Variants in RNF13 observed in about 807,000 individuals in gnomAD.
The protein encoded by RNF13 is ring finger protein 13.
Under a neutral mutation model 37.7 loss-of-function variants are expected in RNF13, and 19 were observed. The ratio of observed to expected loss-of-function variants is 0.50; its 90% CI spans 0.35 to 0.74. The LOEUF is 0.74. RNF13 is among the 30% of genes least tolerant of loss of function. The pLI, the probability that RNF13 is intolerant of heterozygous loss-of-function variation, is 0.01. For synonymous variants in RNF13, 144 were observed against 157.8 expected (o/e 0.91, Z 0.65); for missense variants, 375 against 453.0 (o/e 0.83, Z 1.56).
rs142421517 is a variant in RNF13 at position 149,882,324 on chromosome 3, C to T, written c.321+10170C>T. 3.5e-3 allele frequency among the ~76,000 whole-genome samples: 536 copies of T among 152,004 alleles called. 10 individuals are homozygous for T. The highest frequency in any genetic ancestry group is 0.026 in the Admixed American group (401 of 15,264). On this transcript the variant is annotated intron_variant, in intron 4 of 9. Coordinates refer to ENST00000392894, the MANE Select transcript of RNF13 (RefSeq NM_183381.3). ...GTAGGAAGGAACTAACCAACAGATACGAGGAAATTTTATTTTTTTGACTTA... is the reference window on the plus strand; with the variant it reads ...GTAGGAAGGAACTAACCAACAGATATGAGGAAATTTTATTTTTTTGACTTA...
intron 1 of RNF13, among the ~76,000 whole-genome samples, chr3:149,824,347 G>A (rs973607153): frequency 2.6e-5 from 4 of 152,174 alleles, no homozygotes; most frequent in Admixed American, 6.5e-5. Context: ...TAAGGACCTC[G>A]GGTTGGGAAG....
At chr3:149,944,096 A>G (rs370711038) in intron 8 of RNF13, among the ~76,000 whole-genome samples, 1 of 152,218 alleles carries the variant, frequency 6.6e-6, no homozygotes, top group African/African-American at 2.4e-5. Context: ...TTTGCTGAGA[A>G]TGATGGTTTC....
intron 8 of RNF13, among the ~76,000 whole-genome samples, chr3:149,947,261 T>C (rs188619699): frequency 1.3e-5 from 2 of 152,288 alleles, no homozygotes; most frequent in Non-Finnish European, 1.5e-5. Flanking sequence ...TCTGTATATG[T>C]TTGTTAGTTC....
At chr3:149,818,865 C>T (rs577697010) in intron 1 of RNF13, among the ~76,000 whole-genome samples, 4 of 152,086 alleles carry the variant, frequency 2.6e-5, no homozygotes, top group South Asian at 4.2e-4. Context: ...GAGCCAAGAC[C>T]GCGGCACTGT....
chr3:149,893,133 A>G (rs4681556), intron 4 of RNF13, among the ~76,000 whole-genome samples: 136,477 of 152,186 alleles, frequency 0.9, 61,260 homozygotes, highest in African/African-American at 0.93. Context: ...CATTGTGCCT[A>G]GTATGGATAC....
chr3:149,911,003 C>T (rs779274003), intron 6 of RNF13, among the ~76,000 whole-genome samples: 1 of 152,090 alleles, frequency 6.6e-6, no homozygotes, highest in Non-Finnish European at 1.5e-5. Context: ...GTAGCATTTC[C>T]TATTACCCAC....
In RNF13 at chr3:149,889,041, C is replaced by T. The variant is rs188643506; in HGVS notation, c.322-6432C>T. ...GCAACCTCCGCCTCCTGGGTTCAAG[C>T]GATTCTCCTGCCTCAGCCTCCCGAG... On this transcript the variant is annotated intron_variant, in intron 4 of 9. Coordinates refer to ENST00000392894, the MANE Select transcript of RNF13 (RefSeq NM_183381.3). 8.5e-5 allele frequency among the ~76,000 whole-genome samples: 13 copies of T among 152,058 alleles called. 1 individual carries two copies. The South Asian group carries it at 2.3e-3, about 27-fold the overall frequency.
chr3:149,898,289 C>A (rs1376768149), intron 5 of RNF13, among the ~76,000 whole-genome samples: 1 of 151,982 alleles, frequency 6.6e-6, no homozygotes. Flanking sequence ...TTGTTAATAT[C>A]TCTGGGTCAT....
chr3:149,961,770 A>G lies in RNF13; in HGVS notation c.*666A>G, dbSNP rs1722457966. 6.4e-6 allele frequency: 1 copy of G among 157,098 alleles called. No individual in the cohort carries two copies. Among genetic ancestry groups the G allele is most frequent in the Non-Finnish European group, 1.4e-5 (1 of 71,134 alleles). 9.7% of individuals were successfully genotyped at this position (157,098 alleles called of 1,614,324 possible). Reference sequence around the variant, plus strand: ...TTCTGAACTTTACTTACTAATTTTCAGTGTCCTTAAGGGTTCTGTAGTGTT... The same window carrying G: ...TTCTGAACTTTACTTACTAATTTTCGGTGTCCTTAAGGGTTCTGTAGTGTT... On this transcript the variant is annotated 3_prime_UTR_variant, in exon 10 of 10. Transcript: ENST00000392894.
intron 3 of RNF13, among the ~76,000 whole-genome samples, chr3:149,869,491 A>G (rs1338600074): frequency 6.6e-6 from 1 of 151,064 alleles, no homozygotes; most frequent in Admixed American, 6.6e-5. Flanking sequence ...CTGTAGTCCC[A>G]GCTACTTGGG....
chr3:149,908,104 TA>T (rs1274253313), intron 6 of RNF13, among the ~76,000 whole-genome samples: 1 of 152,246 alleles, frequency 6.6e-6, no homozygotes, highest in African/African-American at 2.4e-5. Flanking sequence ...AATAGTTTTA[TA>T]AACTGTTTGG....
At position 149,922,386 on chromosome 3, in the gene RNF13, G is replaced by A. The variant is rs1488446296; in HGVS notation, c.700+1159G>A. On this transcript the variant is annotated intron_variant, in intron 8 of 9. Coordinates refer to ENST00000392894, the MANE Select transcript of RNF13 (RefSeq NM_183381.3). ...AGAATGAATGAATAAATAAATGAAT[G>A]AATGAATGTGAGAGATGATGTTTTG... Among the ~76,000 whole-genome samples the A allele has an allele frequency of 2.0e-5, 3 of 152,206 alleles. No homozygotes were observed. In the East Asian group the frequency reaches 5.8e-4, roughly 29 times the overall value.
intron 3 of RNF13, among the ~76,000 whole-genome samples, chr3:149,864,957 A>G (rs1724651610): frequency 6.6e-6 from 1 of 152,080 alleles, no homozygotes; most frequent in Non-Finnish European, 1.5e-5. Flanking sequence ...ATGTCTGCAG[A>G]TTAATTTGAA....
At chr3:149,940,110 C>A (rs559663883) in intron 8 of RNF13, among the ~76,000 whole-genome samples, 33 of 151,986 alleles carry the variant, frequency 2.2e-4, no homozygotes, top group Non-Finnish European at 4.6e-4. Context: ...CTTTTTTCAT[C>A]ATTTGTGGTT....
intron 4 of RNF13, among the ~76,000 whole-genome samples, chr3:149,892,656 G>A (rs1714837009): frequency 1.3e-5 from 2 of 152,128 alleles, no homozygotes; most frequent in African/African-American, 4.8e-5. Flanking sequence ...GTAGGAGCGT[G>A]AACCCTATTG....
chr3:149,907,560 G>A (rs191762684), intron 6 of RNF13, among the ~76,000 whole-genome samples: 7 of 152,142 alleles, frequency 4.6e-5, no homozygotes, highest in Admixed American at 1.3e-4. Flanking sequence ...TCTGGAGTAA[G>A]AGCTGTGTGG....
chr3:149,932,292 A>T (rs1719234665), intron 8 of RNF13, among the ~76,000 whole-genome samples: 1 of 152,092 alleles, frequency 6.6e-6, no homozygotes, highest in Non-Finnish European at 1.5e-5. Context: ...ACTAATTTAT[A>T]TTCCCACCAG....
intron 1 of RNF13, among the ~76,000 whole-genome samples, chr3:149,827,214 C>T (rs1029380848): frequency 5.9e-5 from 9 of 152,142 alleles, no homozygotes; most frequent in African/African-American, 2.2e-4. Context: ...CAACTATTTA[C>T]ATAGCATTTA....
intron 4 of RNF13, among the ~76,000 whole-genome samples, chr3:149,874,157 G>A (rs1462081758): frequency 6.6e-6 from 1 of 152,094 alleles, no homozygotes; most frequent in African/African-American, 2.4e-5. Context: ...CTTTAACTTG[G>A]TTATTTTTTC....
Sources: gnomAD v4.1 joint callset for allele counts (sites outside exome capture counted in the v4.1 genomes callset) on GRCh38, gnomAD v4.1.1 for gene constraint, MANE v1.5 for transcripts, NCBI Gene and HGNC (gene_info 2026-07-23, HGNC 2026-07-21) for gene names.